The following SYNE1 variants were observed in gnomAD, a reference collection of about 807,000 sequenced individuals.
SYNE1 encodes nesprin-1.
A neutral mutation model predicts 1,111.0 loss-of-function variants in SYNE1; 616 were observed. The ratio of observed to expected loss-of-function variants is 0.55; its 90% confidence interval spans 0.52 to 0.59. SYNE1 has a LOEUF of 0.59. Among genes scored for constraint, SYNE1 ranks in the 20% least tolerant of loss-of-function variants. The pLI is 0.00. For missense variants in SYNE1, 10,006 were observed against 10,417.0 expected (o/e 0.96, Z 1.72); for synonymous variants, 3,855 against 3,825.8 (o/e 1.01, Z -0.28).
intron 3 of SYNE1, among the ~76,000 whole-genome samples, chr6:152,627,833 G>C (rs1450660219): frequency 6.6e-6 from 1 of 151,936 alleles, no homozygotes; most frequent in African/African-American, 2.4e-5. Flanking sequence ...ATATCTAAGG[G>C]TCTTCTAGTT....
At chr6:152,438,324 A>G (rs2098494706) in intron 32 of SYNE1, among the ~76,000 whole-genome samples, 1 of 152,226 alleles carries the variant, frequency 6.6e-6, no homozygotes. Flanking sequence ...AACCCAGGAA[A>G]AACATGGAAA....
At chr6:152,194,011 G>GAAAA (rs139484534) in intron 127 of SYNE1, among the ~76,000 whole-genome samples, 1 of 134,196 alleles carries the variant, frequency 7.5e-6, no homozygotes. Flanking sequence ...AGACTGTCTC[G>GAAAA]AAAAAAAAAA....
intron 90 of SYNE1, 94 bp from the exon 91 acceptor site, chr6:152,308,726 TA>T: frequency 5.2e-6 from 7 of 1,357,690 alleles, no homozygotes; most frequent in Non-Finnish European, 7.0e-6. Flanking sequence ...TATTTACCTG[TA>T]CAGGTAGGGA....
intron 95 of SYNE1, 60 bp downstream of exon 95, chr6:152,293,528 A>G: frequency 1.9e-6 from 3 of 1,588,470 alleles, no homozygotes; most frequent in Non-Finnish European, 2.6e-6. Context: ...TGACAGGCCA[A>G]CCAGTCACAA....
chr6:152,442,681 C>G (rs896967946), intron 30 of SYNE1, among the ~76,000 whole-genome samples: 31 of 152,168 alleles, frequency 2.0e-4, no homozygotes, highest in African/African-American at 7.0e-4. Context: ...TGCAGTGGCT[C>G]ACACCTGTAA....
chr6:152,435,979 TTTGA>T lies in SYNE1; in HGVS notation c.4268_4271del (p.Ile1423LysfsTer7), dbSNP rs2098470687. The T allele has an allele frequency of 6.2e-7, 1 of 1,614,148 alleles. No individual in the cohort carries two copies. The highest frequency in any genetic ancestry group is 1.3e-5 in the African/African-American group (1 of 75,046). ...TGTCTTCTAATTTTTTGACTTGTTC[TTTGA>T]TTGACTTGGCCTGCTGTTGAAGCAG... is the stretch of plus-strand genomic sequence containing the variant. On this transcript the variant is annotated frameshift_variant, in exon 33 of 146. Coordinates refer to ENST00000367255, the MANE Select transcript of SYNE1 (RefSeq NM_182961.4). LOFTEE classifies it high-confidence loss of function.
chr6:152,499,073 A>G lies in SYNE1; in HGVS notation c.889-281T>C, dbSNP rs115200274. On this transcript the variant is annotated intron_variant, in intron 10 of 145. Coordinates refer to ENST00000367255, the MANE Select transcript of SYNE1 (RefSeq NM_182961.4). ...AACATATCTCGAAATAACATTAAAT[A>G]TTTTAGAAGGTAAACTATGTAAAGA... 5.6e-3 allele frequency among the ~76,000 whole-genome samples: 850 copies of G among 152,256 alleles called. 12 individuals are homozygous for G. The highest frequency in any genetic ancestry group is 0.02 in the African/African-American group (811 of 41,566).
intron 97 of SYNE1, among the ~76,000 whole-genome samples, chr6:152,279,776 G>T (rs937351508): frequency 2.0e-5 from 3 of 148,176 alleles, no homozygotes; most frequent in African/African-American, 7.5e-5. Context: ...CTAAGTAGAA[G>T]AGTAATACTT....
At chr6:152,375,432 T>C (rs1263645537) in intron 58 of SYNE1, among the ~76,000 whole-genome samples, 1 of 152,166 alleles carries the variant, frequency 6.6e-6, no homozygotes, top group East Asian at 1.9e-4. Context: ...TGAAAGAAAC[T>C]CAAATTTCAT....
intron 37 of SYNE1, 149 bp from the exon 38 acceptor site, chr6:152,427,965 CT>C: frequency 8.0e-7 from 1 of 1,248,540 alleles, no homozygotes; most frequent in Non-Finnish European, 1.1e-6. Context: ...AAAATCCCTC[CT>C]TTTATTTTCA....
chr6:152,632,036 T>C (rs2099698757), intron 2 of SYNE1, among the ~76,000 whole-genome samples: 1 of 152,168 alleles, frequency 6.6e-6, no homozygotes, highest in Non-Finnish European at 1.5e-5. Flanking sequence ...CACCATTATT[T>C]TCCACTGAGG....
At position 152,540,007 on chromosome 6, in the gene SYNE1, C is replaced by G; in HGVS notation, c.82G>C (p.Val28Leu). ...CATTTTGTGAAAGTTCGTTTTTGTA[C>G]TATCTCTTGCTCATCTAGAAGGAAA... ...MQRLQDEQEI[V>L]QKRTFTKWIN... Residue 28 changes from valine (V) to leucine (L), a missense_variant, in exon 4 of 146, where the codon GTA (valine) becomes CTA (leucine). Val to Leu is a conservative substitution (Grantham distance 32, BLOSUM62 1). This residue lies in a region of SYNE1 where 1,971 missense variants were observed against 2,084.1 expected (regional missense o/e 0.95). Transcript: ENST00000367255. 6.2e-7 allele frequency: 1 copy of G among 1,613,798 alleles called. No individual in the cohort carries two copies. The highest frequency in any genetic ancestry group is 2.2e-5 in the East Asian group (1 of 44,812).
At chr6:152,406,249 G>A (rs1486462628) in intron 45 of SYNE1, among the ~76,000 whole-genome samples, 3 of 152,072 alleles carry the variant, frequency 2.0e-5, no homozygotes, top group Non-Finnish European at 2.9e-5. Context: ...TTTTTGAAAA[G>A]GAAGTGGAAG....
At chr6:152,442,273 AT>A (rs1194675780) in intron 30 of SYNE1, 28 bp from the exon 31 acceptor site, 1 of 1,610,796 alleles carries the variant, frequency 6.2e-7, no homozygotes, top group Admixed American at 1.7e-5. Context: ...ACAGATGGAT[AT>A]AAATTGTGCT....
rs2094937186 is a variant in SYNE1, at chr6:152,297,546, T to A, written c.17682+3095A>T. The stretch of plus-strand genomic sequence containing the variant: ...AGCACATTGTGGAGTGTTTGGCAAA[T>A]AACAGGCAGGCCTATATGTTCATAA... On this transcript the variant is annotated intron_variant, in intron 93 of 145. Transcript: ENST00000367255. Among the ~76,000 whole-genome samples, 4 of 152,306 alleles carry A rather than the reference T, an allele frequency of 2.6e-5. No individual in the cohort carries two copies. In the South Asian group the frequency reaches 8.3e-4, roughly 32 times the overall value.
At chr6:152,176,370 C>G in intron 130 of SYNE1, 24 bp downstream of exon 130, 2 of 1,613,756 alleles carry the variant, frequency 1.2e-6, no homozygotes, top group East Asian at 4.5e-5. Context: ...CCACACGTGC[C>G]CTATTGACTC....
chr6:152,605,017 AGAGAGAGAGAGAGAGAGAGGGAGG>A (rs2099609459), intron 3 of SYNE1, among the ~76,000 whole-genome samples: 6 of 65,386 alleles, frequency 9.2e-5, no homozygotes, highest in African/African-American at 3.7e-4. Context: ...AGAGAGAGAG[AGAGAGAGAGAGAGAGAGAGGGAGG>A]GAGGGAGGGA....
chr6:152,456,145 G>T, intron 22 of SYNE1, 101 bp from the exon 23 acceptor site: 1 of 1,269,194 alleles, frequency 7.9e-7, no homozygotes, highest in Non-Finnish European at 1.1e-6. Context: ...ACATTATATA[G>T]CTTTTAGGCT....
chr6:152,483,223 A>T lies in SYNE1; in HGVS notation c.1212T>A (p.Asp404Glu), dbSNP rs1272163796. ...TGCCCAGAGGTGCAGGAAGAGATTT[A>T]TCAAGCTGTATATGCCAGTCAAAGA... ...SRLFDWHIQLDKSLPAPLGTI... is the reference protein window; with the variant it reads ...SRLFDWHIQLEKSLPAPLGTI... The change falls in exon 14 of 146, where the codon GAT (aspartate) becomes GAA (glutamate). Residue 404 changes from aspartate to glutamate, a missense_variant. Transcript: ENST00000367255. 1 of 1,614,222 alleles carries T rather than the reference A, an allele frequency of 6.2e-7. No individual in the cohort carries two copies. Among genetic ancestry groups the T allele is most frequent in the South Asian group, 1.1e-5 (1 of 91,090 alleles).
Sources: gnomAD v4.1 joint callset for allele counts (sites outside exome capture counted in the v4.1 genomes callset) on GRCh38, gnomAD v4.1.1 for gene constraint, gnomAD v4.1.1 regional missense constraint, MANE v1.5 for transcripts, NCBI Gene and HGNC (gene_info 2026-07-23, HGNC 2026-07-21) for gene names.